DMD: variants seen among roughly 807,000 people sequenced by gnomAD.
DMD encodes dystrophin.
DMD carries 63 observed loss-of-function variants against 330.1 expected under a neutral mutation model. The observed-to-expected ratio is 0.19, with a 90% CI of 0.16 to 0.24. The LOEUF is 0.24. DMD is among the 10% of genes least tolerant of loss of function. The pLI, the probability that DMD is intolerant of heterozygous loss-of-function variation, is 1.00. For missense variants in DMD, 3,344 were observed against 2,684.1 expected, an observed-to-expected ratio of 1.25 and a Z score of -5.43; for synonymous variants, 1,223 against 959.8, an observed-to-expected ratio of 1.27 and a Z score of -5.07.
At position 32,578,343 on chromosome X, in the gene DMD, A is replaced by G. The variant is rs755572401; in HGVS notation, c.1603-4497T>C. Among the ~76,000 whole-genome samples the G allele has an allele frequency of 9.8e-5, 11 of 112,455 alleles. No homozygotes were observed. In the South Asian group the frequency reaches 4.0e-3, roughly 41 times the overall value. ...TAAAACCAATGAATTACAAAGTCTC[A>G]CAAAATGGTAAAAGAAGTTAATTTT... On this transcript the variant is annotated intron_variant, in intron 13 of 78. Transcript: ENST00000357033.
At chrX:31,470,389 T>C (rs747311238) in intron 59 of DMD, among the ~76,000 whole-genome samples, 2 of 112,043 alleles carry the variant, frequency 1.8e-5, no homozygotes, top group East Asian at 5.6e-4. Context: ...ATGTTGATGC[T>C]AGCAGTCAGG....
intron 60 of DMD, among the ~76,000 whole-genome samples, chrX:31,417,641 T>C (rs2061942313): frequency 9.0e-6 from 1 of 111,305 alleles, no homozygotes; most frequent in Non-Finnish European, 1.9e-5. Context: ...CTGATAGTAC[T>C]GCAATATAAC....
Position 32,684,259 on chromosome X carries a change from C to G in DMD, c.960+13611G>C, listed in dbSNP as rs139177515. On this transcript the variant is annotated intron_variant, in intron 9 of 78. Coordinates refer to ENST00000357033, the MANE Select transcript of DMD (RefSeq NM_004006.3). Reference sequence around the variant, plus strand: ...CACACACATATATATGCACACGTAACACACAGATATATACTCTATTTGAAA... The same window carrying G: ...CACACACATATATATGCACACGTAAGACACAGATATATACTCTATTTGAAA... Among the ~76,000 whole-genome samples the G allele has an allele frequency of 2.2e-4, 25 of 111,446 alleles. No individual in the cohort carries two copies. The Admixed American group carries it at 2.4e-3, about 11-fold the overall frequency.
chrX:33,299,946 A>G (rs1204944385), intron 1 of DMD, among the ~76,000 whole-genome samples: 1 of 111,720 alleles, frequency 9.0e-6, no homozygotes, highest in Non-Finnish European at 1.9e-5. Context: ...TTCTTTCTTT[A>G]TGTTAAATTT....
intron 48 of DMD, among the ~76,000 whole-genome samples, chrX:31,862,778 G>A (rs1016739105): frequency 8.9e-6 from 1 of 112,467 alleles, no homozygotes; most frequent in Admixed American, 9.4e-5. Context: ...TTAAGGAGAT[G>A]AGTAACTCCT....
chrX:32,129,398 G>C (rs1261767104), intron 44 of DMD, among the ~76,000 whole-genome samples: 1 of 111,011 alleles, frequency 9.0e-6, no homozygotes, highest in Admixed American at 9.7e-5. Context: ...GGACCTCTTA[G>C]AGGCCAATTT....
chrX:31,632,631 G>A (rs2079192748), intron 54 of DMD, among the ~76,000 whole-genome samples: 1 of 111,206 alleles, frequency 9.0e-6, no homozygotes, highest in Non-Finnish European at 1.9e-5. Context: ...TCATTATTTT[G>A]TTCCTTTTTT....
intron 62 of DMD, among the ~76,000 whole-genome samples, chrX:31,270,978 G>A (rs151056989): frequency 0.07 from 7,836 of 111,402 alleles, 240 homozygotes; most frequent in African/African-American, 0.089. Context: ...AAGCTTGGCC[G>A]CCCTTTGGAA....
intron 55 of DMD, among the ~76,000 whole-genome samples, chrX:31,578,841 TAAC>T (rs1208534409): frequency 6.2e-5 from 7 of 112,260 alleles, no homozygotes; most frequent in African/African-American, 1.9e-4. Flanking sequence ...CAATTATTAT[TAAC>T]AACAACCACG....
At chrX:32,995,060 A>G (rs1312466729) in intron 2 of DMD, among the ~76,000 whole-genome samples, 3 of 111,379 alleles carry the variant, frequency 2.7e-5, no homozygotes, top group Admixed American at 9.6e-5. Flanking sequence ...AGCCGCAATG[A>G]CTCCACTGCA....
At chrX:31,283,578 T>G (rs1436897716) in intron 62 of DMD, among the ~76,000 whole-genome samples, 1 of 111,649 alleles carries the variant, frequency 9.0e-6, no homozygotes, top group Non-Finnish European at 1.9e-5. Context: ...TTGGTCTATA[T>G]TTCACCTTCA....
chrX:31,634,723 T>C (rs779336216), intron 54 of DMD, among the ~76,000 whole-genome samples: 1 of 111,203 alleles, frequency 9.0e-6, no homozygotes, highest in Non-Finnish European at 1.9e-5. Flanking sequence ...CAACCATAAT[T>C]ATACACTTTC....
At chrX:31,779,637 A>C (rs1478112241) in intron 50 of DMD, among the ~76,000 whole-genome samples, 1 of 111,208 alleles carries the variant, frequency 9.0e-6, no homozygotes, top group African/African-American at 3.3e-5. Context: ...ATGTATTACA[A>C]TGTACAAAAT....
chrX:32,511,668 G>A (rs1056393080), intron 18 of DMD, among the ~76,000 whole-genome samples: 4 of 109,291 alleles, frequency 3.7e-5, no homozygotes, highest in African/African-American at 1.0e-4. Flanking sequence ...CTCTGCCCTT[G>A]ACAATATTAT....
At chrX:31,281,112 G>A (rs2052578949) in intron 62 of DMD, among the ~76,000 whole-genome samples, 1 of 112,032 alleles carries the variant, frequency 8.9e-6, no homozygotes, top group Non-Finnish European at 1.9e-5. Context: ...AGAGGGCTGA[G>A]TTGAGCTTAA....
intron 46 of DMD, 55 bp from the exon 47 acceptor site, chrX:31,929,800 A>G: frequency 8.4e-7 from 1 of 1,186,971 alleles, no homozygotes; most frequent in Non-Finnish European, 1.1e-6. Context: ...AATTCCAACT[A>G]CCTTGTCTTT....
At chrX:31,369,277 T>A (rs1271871707) in intron 60 of DMD, among the ~76,000 whole-genome samples, 1 of 111,622 alleles carries the variant, frequency 9.0e-6, no homozygotes, top group East Asian at 2.8e-4. Context: ...ATAAGGAGAG[T>A]CACCTAATCA....
intron 47 of DMD, among the ~76,000 whole-genome samples, chrX:31,912,918 T>C (rs1047472559): frequency 8.9e-5 from 10 of 112,911 alleles, no homozygotes; most frequent in African/African-American, 3.2e-4. Context: ...GCTTGATAAG[T>C]CTTTGAAGAT....
At chrX:31,646,560 C>T (rs1243885573) in intron 54 of DMD, among the ~76,000 whole-genome samples, 1 of 111,228 alleles carries the variant, frequency 9.0e-6, no homozygotes, top group Non-Finnish European at 1.9e-5. Flanking sequence ...GGTAACACTG[C>T]GGTCTTGGGT....
Sources: gnomAD v4.1 joint callset for allele counts (sites outside exome capture counted in the v4.1 genomes callset) on GRCh38, gnomAD v4.1.1 for gene constraint, MANE v1.5 for transcripts, NCBI Gene and HGNC (gene_info 2026-07-23, HGNC 2026-07-21) for gene names.